ELAPOR2: variants seen among roughly 807,000 people sequenced by gnomAD.
ELAPOR2 encodes endosome/lysosome-associated apoptosis and autophagy regulator family member 2.
In ELAPOR2, 89 loss-of-function variants were observed where a neutral mutation model predicts 120.7. The observed-to-expected ratio is 0.74, with a 90% CI of 0.62 to 0.88. ELAPOR2 has a LOEUF of 0.88. Among genes scored for constraint, ELAPOR2 ranks in the 40% least tolerant of loss-of-function variants. The pLI, the probability that ELAPOR2 is intolerant of heterozygous loss-of-function variation, is 0.00. For missense variants in ELAPOR2, 1,134 were observed against 1,251.6 expected (o/e 0.91, Z 1.42); for synonymous variants, 444 against 444.9 (o/e 1.00, Z 0.03).
At chr7:87,012,690 C>A (rs1562967931) in intron 1 of ELAPOR2, among the ~76,000 whole-genome samples, 1 of 152,012 alleles carries the variant, frequency 6.6e-6, no homozygotes, top group Non-Finnish European at 1.5e-5. Context: ...TTCATTGCAA[C>A]AAAAATAAAA....
In ELAPOR2 at chr7:87,013,740, CATTTT is replaced by C. The variant is rs1793770150; in HGVS notation, c.189+45580_189+45584del. On this transcript the variant is annotated intron_variant, in intron 1 of 21. Coordinates refer to ENST00000450689, the MANE Select transcript of ELAPOR2 (RefSeq NM_001142749.3). ...AATTAACTTATGTTCAATTTTATTTCATTTTATTAAATAGAAAAATTTCCCTCAAA... is the reference window on the plus strand; with the variant it reads ...AATTAACTTATGTTCAATTTTATTTCATTAAATAGAAAAATTTCCCTCAAA... Among the ~76,000 whole-genome samples the C allele has an allele frequency of 2.6e-5, 4 of 152,266 alleles. No individual in the cohort carries two copies. The South Asian group carries it at 8.3e-4, about 32-fold the overall frequency.
chr7:87,045,318 T>C (rs1339491765), intron 1 of ELAPOR2, among the ~76,000 whole-genome samples: 3 of 147,808 alleles, frequency 2.0e-5, no homozygotes, highest in East Asian at 3.9e-4. Context: ...CGTATGTTTA[T>C]TGCGGCATTA....
At chr7:86,921,523 GAGAGAACAT>G (rs1789828294) in intron 10 of ELAPOR2, among the ~76,000 whole-genome samples, 1 of 152,098 alleles carries the variant, frequency 6.6e-6, no homozygotes, top group Admixed American at 6.6e-5. Flanking sequence ...AAAGGCTTCA[GAGAGAACAT>G]AGCCCTGCCC....
chr7:86,966,849 C>T (rs1425824034), intron 1 of ELAPOR2, among the ~76,000 whole-genome samples: 3 of 152,138 alleles, frequency 2.0e-5, no homozygotes, highest in Non-Finnish European at 2.9e-5. Context: ...CCATTTATTG[C>T]CCTGTGGCTT....
At chr7:87,005,952 C>G (rs1793456554) in intron 1 of ELAPOR2, among the ~76,000 whole-genome samples, 1 of 152,012 alleles carries the variant, frequency 6.6e-6, no homozygotes, top group South Asian at 2.1e-4. Flanking sequence ...TCCTGCTCAC[C>G]AAAACATGAC....
intron 1 of ELAPOR2, among the ~76,000 whole-genome samples, chr7:87,001,815 T>C (rs773935077): frequency 5.9e-5 from 9 of 152,168 alleles, no homozygotes; most frequent in Admixed American, 4.6e-4. Context: ...AAACCTGAGT[T>C]ACCTAAATTT....
chr7:86,894,503 G>A (rs185644847), intron 19 of ELAPOR2, among the ~76,000 whole-genome samples: 1 of 152,030 alleles, frequency 6.6e-6, no homozygotes, highest in East Asian at 1.9e-4. Context: ...AGAACAGCAA[G>A]CTCTACTGTC....
chr7:86,926,918 TACAAA>T lies in ELAPOR2; in HGVS notation c.1090-7_1090-3del. Reference sequence around the variant, plus strand: ...TATCCACTTGTACATTATCTGTGTCTACAAAAAAAAAAAAAAAAAAAAAGCAACCA... The same window carrying T: ...TATCCACTTGTACATTATCTGTGTCTAAAAAAAAAAAAAAAAAAGCAACCA... On this transcript the variant is annotated splice_polypyrimidine_tract_variant and splice_region_variant and intron_variant, in intron 8 of 21. Transcript: ENST00000450689. 3.2e-6 allele frequency: 2 copies of T among 624,348 alleles called. No individual in the cohort carries two copies. The highest frequency in any genetic ancestry group is 4.0e-6 in the Non-Finnish European group (2 of 497,872). The allele number at this position is 624,348 out of a possible 1,614,324, so 38.7% of individuals were successfully genotyped here.
rs148601578 is a variant in ELAPOR2 at position 86,911,404 on chromosome 7, A to C, written c.2169+668T>G. ...AGTATCTCATAATGAAGACAATTGA[A>C]AATATAGGAGTTAATATGGGAAGTG... On this transcript the variant is annotated intron_variant, in intron 15 of 21. Transcript: ENST00000450689. Among the ~76,000 whole-genome samples, 755 of 152,260 alleles carry C rather than the reference A, an allele frequency of 5.0e-3. 9 individuals carry two copies. The highest frequency in any genetic ancestry group is 0.017 in the African/African-American group (711 of 41,566).
chr7:87,052,340 T>C (rs547404638), intron 1 of ELAPOR2, among the ~76,000 whole-genome samples: 1 of 152,316 alleles, frequency 6.6e-6, no homozygotes, highest in Non-Finnish European at 1.5e-5. Context: ...CTCCCCCTTA[T>C]GAAACCACTG....
Position 86,918,485 on chromosome 7 carries a change from A to G in ELAPOR2, c.1550T>C (p.Phe517Ser). ...GSELGRITFV[F>S]ETLCSADCVL... is the part of the protein sequence containing the mutation. ...ACAGTCAGCTGAACAGAGGGTCTCA[A>G]AGACAAATGTTATTCTTCCTAGTTC... Residue 517 changes from phenylalanine (F) to serine (S), a missense_variant, in exon 12 of 22, where the codon TTT (phenylalanine) becomes TCT (serine). Around this residue, in one of 3 missense-constraint regions of ELAPOR2, gnomAD observed 831 missense variants for 867.6 expected, o/e 0.96. Transcript: ENST00000450689. The G allele has an allele frequency of 6.2e-7, 1 of 1,613,432 alleles. No individual in the cohort carries two copies. Among genetic ancestry groups the G allele is most frequent in the Non-Finnish European group, 8.5e-7 (1 of 1,179,564 alleles).
intron 18 of ELAPOR2, among the ~76,000 whole-genome samples, chr7:86,906,404 G>A (rs1002766326): frequency 2.3e-4 from 35 of 152,002 alleles, no homozygotes; most frequent in African/African-American, 8.2e-4. Context: ...TAAATCATAG[G>A]TCTATGAGAA....
Position 86,926,934 on chromosome 7 carries a change from A to G in ELAPOR2, c.1090-18T>C. The G allele has an allele frequency of 6.7e-7, 1 of 1,484,590 alleles. No homozygotes were observed. Among genetic ancestry groups the G allele is most frequent in the Non-Finnish European group, 8.9e-7 (1 of 1,124,152 alleles). 92.0% of individuals were successfully genotyped at this position (1,484,590 alleles called of 1,614,324 possible). A position where few individuals can be genotyped will look rare whatever the true frequency, so the allele number is the denominator to read the frequency against. ...ATCTGTGTCTACAAAAAAAAAAAAAAAAAAAAAGCAACCAAGTCATATAAC... is the reference window on the plus strand; with the variant it reads ...ATCTGTGTCTACAAAAAAAAAAAAAGAAAAAAAGCAACCAAGTCATATAAC... On this transcript the variant is annotated intron_variant, in intron 8 of 21. Coordinates refer to ENST00000450689, the MANE Select transcript of ELAPOR2 (RefSeq NM_001142749.3).
At chr7:86,984,643 C>T (rs1792643203) in intron 1 of ELAPOR2, among the ~76,000 whole-genome samples, 10 of 152,116 alleles carry the variant, frequency 6.6e-5, no homozygotes, top group Admixed American at 6.5e-4. Context: ...CCAATGAGAA[C>T]AAAGACACAA....
intron 1 of ELAPOR2, among the ~76,000 whole-genome samples, chr7:87,010,496 AG>A (rs1292098409): frequency 6.6e-6 from 1 of 152,234 alleles, no homozygotes; most frequent in African/African-American, 2.4e-5. Context: ...TTTCTACTGA[AG>A]GATCACTAAA....
At chr7:86,987,427 A>C (rs1053007286) in intron 1 of ELAPOR2, among the ~76,000 whole-genome samples, 1 of 152,204 alleles carries the variant, frequency 6.6e-6, no homozygotes, top group African/African-American at 2.4e-5. Context: ...GACTGGGAGA[A>C]AATTTTTGCA....
At chr7:86,967,309 A>G (rs895305419) in intron 1 of ELAPOR2, among the ~76,000 whole-genome samples, 9 of 152,048 alleles carry the variant, frequency 5.9e-5, no homozygotes, top group Non-Finnish European at 7.4e-5. Context: ...AAAGTACAAA[A>G]ATTAGCCGGG....
rs955354518 is a variant in ELAPOR2 at position 86,880,017 on chromosome 7, C to T, written c.*454G>A. 6.5e-6 allele frequency: 1 copy of T among 152,830 alleles called. No individual in the cohort carries two copies. The highest frequency in any genetic ancestry group is 2.4e-5 in the African/African-American group (1 of 41,430). 9.5% of individuals were successfully genotyped at this position (152,830 alleles called of 1,614,324 possible). ...GAAAATAAATAATGGGAAAAATATA[C>T]CTTAAAAAAATTTTAATTTTCCCCA... is the stretch of plus-strand genomic sequence containing the variant. On this transcript the variant is annotated 3_prime_UTR_variant, in exon 22 of 22. Coordinates refer to ENST00000450689, the MANE Select transcript of ELAPOR2 (RefSeq NM_001142749.3).
At chr7:86,905,133 AAG>A (rs746221958) in intron 18 of ELAPOR2, among the ~76,000 whole-genome samples, 161 of 150,636 alleles carry the variant, frequency 1.1e-3, no homozygotes, top group South Asian at 6.3e-3. Context: ...GAAGGAAAGA[AAG>A]AAAAGAAAAG....
Sources: gnomAD v4.1 joint callset for allele counts (sites outside exome capture counted in the v4.1 genomes callset) on GRCh38, gnomAD v4.1.1 for gene constraint, gnomAD v4.1.1 regional missense constraint, MANE v1.5 for transcripts, NCBI Gene and HGNC (gene_info 2026-07-23, HGNC 2026-07-21) for gene names.